The following NRK variants were observed in gnomAD, a reference collection of about 807,000 sequenced individuals.
NRK encodes Nik related kinase, also known as nik-related protein kinase.
NRK carries 67 observed loss-of-function variants against 125.2 expected under a neutral mutation model. That is an observed-to-expected ratio of 0.54 (90% CI 0.44 to 0.66). NRK has a LOEUF of 0.66. Ranked by LOEUF, NRK falls within the 30% of genes least tolerant of loss-of-function variation. NRK has a pLI of 0.00. For synonymous variants in NRK, 458 were observed against 429.0 expected (o/e 1.07, Z -0.84); for missense variants, 1,224 against 1,192.9 (o/e 1.03, Z -0.38).
intron 2 of NRK, among the ~76,000 whole-genome samples, chrX:105,856,692 C>T (rs1344499267): frequency 9.0e-6 from 1 of 111,632 alleles, no homozygotes; most frequent in Admixed American, 9.5e-5. Context: ...CTAAACTTCT[C>T]TATACATATA....
At chrX:105,826,392 TATATATATA>T (rs200917837) in intron 1 of NRK, among the ~76,000 whole-genome samples, 5,036 of 74,889 alleles carry the variant, frequency 0.067, 156 homozygotes, top group East Asian at 0.17. Flanking sequence ...ATATATATAA[TATATATATA>T]ATATATATAT....
chrX:105,853,348 C>G (rs1406572614), intron 2 of NRK, among the ~76,000 whole-genome samples: 2 of 111,737 alleles, frequency 1.8e-5, no homozygotes. Flanking sequence ...AGAGTCACTG[C>G]CTCAGTTATA....
At chrX:105,912,249 A>C (rs747791094) in intron 13 of NRK, among the ~76,000 whole-genome samples, 2 of 111,362 alleles carry the variant, frequency 1.8e-5, no homozygotes, top group East Asian at 5.7e-4. Context: ...GGAAGACCAA[A>C]CTTTGGTTAT....
intron 2 of NRK, among the ~76,000 whole-genome samples, chrX:105,860,365 CCA>C (rs1231436438): frequency 9.0e-6 from 1 of 111,177 alleles, no homozygotes; most frequent in African/African-American, 3.3e-5. Context: ...TTTAACATCT[CCA>C]CAGTCATTAT....
At chrX:105,925,056 T>C (rs1200403143) in intron 19 of NRK, 25 bp downstream of exon 19, 1 of 1,059,593 alleles carries the variant, frequency 9.4e-7, no homozygotes, top group Non-Finnish European at 1.3e-6. Context: ...GAAAAGCAGA[T>C]TGAACTCCTC....
intron 7 of NRK, among the ~76,000 whole-genome samples, chrX:105,896,803 A>G (rs746305548): frequency 8.0e-5 from 9 of 112,025 alleles, no homozygotes; most frequent in Non-Finnish European, 1.5e-4. Context: ...TGATTGTGCC[A>G]CTGCACTCTA....
chrX:105,940,619 C>T (rs776921974), intron 23 of NRK, among the ~76,000 whole-genome samples: 2 of 111,521 alleles, frequency 1.8e-5, no homozygotes, highest in South Asian at 7.5e-4. Flanking sequence ...AGAATGTTTT[C>T]ATATACCCTG....
At chrX:105,935,551 G>A (rs1020792659) in intron 21 of NRK, among the ~76,000 whole-genome samples, 3 of 108,823 alleles carry the variant, frequency 2.8e-5, no homozygotes, top group African/African-American at 1.0e-4. Flanking sequence ...TTAAACCTGA[G>A]TTAACTTGGA....
chrX:105,900,166 ACAC>A (rs2040139165), intron 8 of NRK, among the ~76,000 whole-genome samples: 1 of 105,313 alleles, frequency 9.5e-6, no homozygotes, highest in Non-Finnish European at 2.0e-5. Flanking sequence ...ACACACACAC[ACAC>A]ACACACACAC....
chrX:105,873,787 G>T (rs2039778906), intron 2 of NRK, among the ~76,000 whole-genome samples: 1 of 110,700 alleles, frequency 9.0e-6, no homozygotes, highest in African/African-American at 3.3e-5. Context: ...CCATCTTCAG[G>T]GTCCATTTGA....
Position 105,922,038 on chromosome X carries a change from C to A in NRK, c.2587C>A (p.Gln863Lys). ...ATCACCACCTTATTCTACTATTGAT[C>A]AGAAGTTGCTGGTTGACATCCATGT... ...QSSPPYSTIDQKLLVDIHVPD... is the reference protein window; with the variant it reads ...QSSPPYSTIDKKLLVDIHVPD... The change falls in exon 17 of 29, where the codon CAG (glutamine) becomes AAG (lysine). Residue 863 changes from glutamine (Q) to lysine (K), a missense_variant. Gln to Lys is a moderately conservative substitution (Grantham distance 53). Transcript: ENST00000243300. 8.8e-7 allele frequency: 1 copy of A among 1,140,484 alleles called. No individual in the cohort carries two copies. The highest frequency in any genetic ancestry group is 1.2e-6 in the Non-Finnish European group (1 of 833,361). The allele number at this position is 1,140,484 out of a possible 1,213,427, so 94.0% of individuals were successfully genotyped here.
Position 105,955,607 on chromosome X carries a change from C to T in NRK, c.*7C>T, listed in dbSNP as rs2147807926. The stretch of plus-strand genomic sequence containing the variant: ...AAGCAATTATGATGTCTAAAAGTTT[C>T]CAGTGATTTATTACCACATTATAAA... On this transcript the variant is annotated 3_prime_UTR_variant, in exon 29 of 29. Coordinates refer to ENST00000243300, the MANE Select transcript of NRK (RefSeq NM_198465.4). The T allele has an allele frequency of 2.0e-6, 2 of 1,021,734 alleles. No homozygotes were observed. The highest frequency in any genetic ancestry group is 6.3e-5 in the East Asian group (2 of 31,848). The allele number at this position is 1,021,734 out of a possible 1,213,427, so 84.2% of individuals were successfully genotyped here.
At chrX:105,875,471 A>C (rs2039802265) in intron 2 of NRK, among the ~76,000 whole-genome samples, 1 of 111,246 alleles carries the variant, frequency 9.0e-6, no homozygotes, top group African/African-American at 3.3e-5. Flanking sequence ...TCATGCTTAA[A>C]TGTTAGTGAC....
chrX:105,843,425 A>T (rs936001645), intron 2 of NRK, among the ~76,000 whole-genome samples: 2 of 112,045 alleles, frequency 1.8e-5, no homozygotes, highest in Non-Finnish European at 3.8e-5. Flanking sequence ...CTCTCTGCAG[A>T]TGTGCCTTGA....
intron 2 of NRK, among the ~76,000 whole-genome samples, chrX:105,837,581 A>T (rs776442267): frequency 8.4e-4 from 93 of 110,945 alleles, no homozygotes; most frequent in African/African-American, 2.9e-3. Flanking sequence ...CTCTAATTAG[A>T]TGCCTATCCT....
chrX:105,925,111 C>A, intron 19 of NRK, 80 bp downstream of exon 19: 1 of 747,679 alleles, frequency 1.3e-6, no homozygotes, highest in Non-Finnish European at 2.0e-6. Context: ...CATTTCTAGC[C>A]ATTCCAAATA....
intron 6 of NRK, among the ~76,000 whole-genome samples, 194 bp downstream of exon 6, chrX:105,894,136 C>A (rs1306715315): frequency 1.8e-5 from 2 of 112,080 alleles, no homozygotes; most frequent in Admixed American, 9.5e-5. Flanking sequence ...AGCTGGGTAA[C>A]AAACTCCTTT....
intron 1 of NRK, among the ~76,000 whole-genome samples, chrX:105,827,977 A>G (rs2039136903): frequency 9.0e-6 from 1 of 111,583 alleles, no homozygotes; most frequent in Non-Finnish European, 1.9e-5. Context: ...TGGAACTTCT[A>G]TTTTCACAGT....
At chrX:105,922,738 A>G (rs1459671069) in intron 17 of NRK, among the ~76,000 whole-genome samples, 1 of 111,797 alleles carries the variant, frequency 8.9e-6, no homozygotes, top group African/African-American at 3.2e-5. Flanking sequence ...GTAAATTAAC[A>G]TATCAATTTC....
Sources: gnomAD v4.1 joint callset for allele counts (sites outside exome capture counted in the v4.1 genomes callset) on GRCh38, gnomAD v4.1.1 for gene constraint, MANE v1.5 for transcripts, NCBI Gene and HGNC (gene_info 2026-07-23, HGNC 2026-07-21) for gene names.